Variants in ERBB4 observed in about 807,000 individuals in gnomAD.
ERBB4 encodes erb-b2 receptor tyrosine kinase 4, also known as receptor tyrosine-protein kinase erbB-4.
ERBB4 carries 42 observed loss-of-function variants against 158.0 expected under a neutral mutation model. The ratio of observed to expected loss-of-function variants is 0.27; its 90% confidence interval spans 0.21 to 0.34. The LOEUF (loss-of-function observed/expected upper bound fraction) is 0.34, where lower values mean the gene tolerates loss of function less well. Ranked by LOEUF, ERBB4 falls within the 10% of genes least tolerant of loss-of-function variation. ERBB4 has a pLI of 1.00. For missense variants in ERBB4, 1,333 were observed against 1,624.1 expected, an observed-to-expected ratio of 0.82 and a Z score of 3.08; for synonymous variants, 583 against 558.7, an observed-to-expected ratio of 1.04 and a Z score of -0.61.
At chr2:212,070,125 G>T (rs1037430829) in intron 2 of ERBB4, among the ~76,000 whole-genome samples, 3 of 151,614 alleles carry the variant, frequency 2.0e-5, no homozygotes, top group African/African-American at 7.3e-5. Flanking sequence ...GTCTCTTAAA[G>T]AAAAAATGAA....
At chr2:211,503,139 TTCCCACCAC>T (rs2065657445) in intron 20 of ERBB4, among the ~76,000 whole-genome samples, 1 of 151,988 alleles carries the variant, frequency 6.6e-6, no homozygotes, top group Non-Finnish European at 1.5e-5. Context: ...GTTACAGAAG[TTCCCACCAC>T]CCTCGCAGAC....
At chr2:211,992,567 G>GAAAAAA (rs780595071) in intron 2 of ERBB4, among the ~76,000 whole-genome samples, 1 of 125,232 alleles carries the variant, frequency 8.0e-6, no homozygotes, top group African/African-American at 2.9e-5. Flanking sequence ...GAGAGAGAGA[G>GAAAAAA]AAAAAAAAAA....
rs149665378 is a variant in ERBB4 at position 211,387,141 on chromosome 2, C to A, written c.3193G>T (p.Val1065Leu). 1.1e-5 allele frequency: 18 copies of A among 1,612,162 alleles called. No homozygotes were observed. The African/African-American group carries it at 2.0e-4, about 18-fold the overall frequency. ...AYTPMSGNQF[V>L]YRDGGFAAEQ... ...GCAGCAAAACCTCCATCTCGGTATACAAACTGGTTCTGTTAATAAGAGAAA... is the reference window on the plus strand; with the variant it reads ...GCAGCAAAACCTCCATCTCGGTATAAAAACTGGTTCTGTTAATAAGAGAAA... The change falls in exon 27 of 28, where the codon GTA becomes TTA. Residue 1065 changes from valine (V) to leucine (L), a missense_variant. This residue lies in a region of ERBB4 where 252 missense variants were observed against 241.3 expected (regional missense o/e 1.04). Transcript: ENST00000342788.
intron 12 of ERBB4, among the ~76,000 whole-genome samples, chr2:211,688,934 T>C (rs1018959965): frequency 1.3e-5 from 2 of 152,198 alleles, no homozygotes; most frequent in Non-Finnish European, 2.9e-5. Flanking sequence ...TTGCAGGTTT[T>C]ACTTAATTGT....
chr2:212,383,358 C>A (rs927970197), intron 1 of ERBB4, among the ~76,000 whole-genome samples: 1 of 151,364 alleles, frequency 6.6e-6, no homozygotes, highest in African/African-American at 2.4e-5. Context: ...TTTCCTATTT[C>A]TTAGAAGTTT....
chr2:211,705,863 C>CT (rs901523632), intron 9 of ERBB4, among the ~76,000 whole-genome samples: 15 of 152,090 alleles, frequency 9.9e-5, no homozygotes, highest in African/African-American at 3.4e-4. Flanking sequence ...AAATTGACAT[C>CT]TTTTTTTTCT....
chr2:211,428,941 A>G (rs1215790072), intron 21 of ERBB4, among the ~76,000 whole-genome samples: 4 of 151,848 alleles, frequency 2.6e-5, no homozygotes, highest in African/African-American at 9.7e-5. Context: ...AGAACTCCTG[A>G]GCTCAAGTGA....
intron 7 of ERBB4, among the ~76,000 whole-genome samples, chr2:211,715,849 GGTAT>G: frequency 6.6e-6 from 1 of 152,192 alleles, no homozygotes; most frequent in South Asian, 2.1e-4. Context: ...CCCAGTCTCA[GGTAT>G]TTCTTTATAG....
intron 3 of ERBB4, among the ~76,000 whole-genome samples, chr2:211,914,417 A>C (rs1327375170): frequency 6.6e-6 from 1 of 152,132 alleles, no homozygotes; most frequent in Non-Finnish European, 1.5e-5. Context: ...CAAAGCTAGA[A>C]AACATCCTTG....
At chr2:212,347,658 G>C (rs1350850469) in intron 1 of ERBB4, among the ~76,000 whole-genome samples, 2 of 152,076 alleles carry the variant, frequency 1.3e-5, no homozygotes, top group Non-Finnish European at 2.9e-5. Context: ...TTTACCAGTT[G>C]AGGATCCCAA....
chr2:211,473,027 T>C (rs899625067), intron 20 of ERBB4, among the ~76,000 whole-genome samples: 1 of 152,034 alleles, frequency 6.6e-6, no homozygotes, highest in South Asian at 2.1e-4. Context: ...AACCCATAAA[T>C]GTTACTATAT....
intron 3 of ERBB4, among the ~76,000 whole-genome samples, chr2:211,930,767 T>C (rs1426887832): frequency 6.6e-6 from 1 of 152,148 alleles, no homozygotes; most frequent in African/African-American, 2.4e-5. Flanking sequence ...AAATAAGTTA[T>C]CAAAATATTC....
chr2:211,687,625 A>G (rs2072619876), intron 12 of ERBB4, among the ~76,000 whole-genome samples: 1 of 152,016 alleles, frequency 6.6e-6, no homozygotes, highest in Non-Finnish European at 1.5e-5. Context: ...TGTCTTGTCT[A>G]CCTGCCCCTT....
At chr2:211,503,679 G>A (rs940735284) in intron 20 of ERBB4, among the ~76,000 whole-genome samples, 2 of 152,164 alleles carry the variant, frequency 1.3e-5, no homozygotes, top group African/African-American at 4.8e-5. Context: ...CTGGATGCTG[G>A]AAGGAGATCC....
chr2:211,836,507 AC>A (rs772524104), intron 3 of ERBB4, among the ~76,000 whole-genome samples: 15 of 152,116 alleles, frequency 9.9e-5, no homozygotes, highest in African/African-American at 1.2e-4. Flanking sequence ...GAAGGTAGTC[AC>A]ATATATTGGT....
At chr2:211,456,812 C>A (rs528229324) in intron 20 of ERBB4, among the ~76,000 whole-genome samples, 11 of 152,274 alleles carry the variant, frequency 7.2e-5, no homozygotes, top group African/African-American at 2.6e-4. Context: ...GATCCCACTC[C>A]TATGAGAATC....
At chr2:211,496,730 T>C (rs1183579632) in intron 20 of ERBB4, among the ~76,000 whole-genome samples, 6 of 152,062 alleles carry the variant, frequency 3.9e-5, no homozygotes, top group African/African-American at 1.2e-4. Flanking sequence ...GTGGCCATGA[T>C]TATCTTTGGT....
At chr2:211,746,382 T>C (rs1164989073) in intron 5 of ERBB4, among the ~76,000 whole-genome samples, 1 of 152,352 alleles carries the variant, frequency 6.6e-6, no homozygotes, top group East Asian at 1.9e-4. Context: ...CAGTGGCCGT[T>C]AAGCCAATTT....
chr2:212,367,386 C>T (rs1402491862), intron 1 of ERBB4, among the ~76,000 whole-genome samples: 5 of 151,920 alleles, frequency 3.3e-5, no homozygotes, highest in African/African-American at 7.2e-5. Context: ...GCTAGCCACA[C>T]GTAGGAGAAT....
Sources: allele counts gnomAD v4.1 joint callset (sites outside exome capture counted in the v4.1 genomes callset), GRCh38; gene constraint gnomAD v4.1.1; regional missense constraint gnomAD v4.1.1; transcripts MANE v1.5; gene names NCBI Gene and HGNC (gene_info 2026-07-23, HGNC 2026-07-21).